Variants in FSTL5 observed in about 807,000 individuals in gnomAD.
The protein encoded by FSTL5 is follistatin-related protein 5.
Under a neutral mutation model 89.1 loss-of-function variants are expected in FSTL5, and 62 were observed. The ratio of observed to expected loss-of-function variants is 0.70; its 90% CI spans 0.57 to 0.86. The LOEUF (loss-of-function observed/expected upper bound fraction) is 0.86. FSTL5 is among the 40% of genes least tolerant of loss of function. FSTL5 has a pLI of 0.00. For synonymous variants in FSTL5, 383 were observed against 346.2 expected (o/e 1.11, Z -1.18); for missense variants, 1,057 against 1,001.6 (o/e 1.06, Z -0.75).
At chr4:161,715,646 TC>T (rs1738948424) in intron 6 of FSTL5, among the ~76,000 whole-genome samples, 1 of 152,126 alleles carries the variant, frequency 6.6e-6, no homozygotes, top group African/African-American at 2.4e-5. Context: ...AACTCCTAAC[TC>T]CTACAACCAA....
chr4:161,481,269 C>A (rs1729495385), intron 12 of FSTL5, 100 bp from the exon 13 acceptor site: 1 of 783,470 alleles, frequency 1.3e-6, no homozygotes. Context: ...TTACTACTTT[C>A]AGCATCAAAT....
chr4:161,749,868 G>A (rs1008389106), intron 6 of FSTL5, among the ~76,000 whole-genome samples: 4 of 151,568 alleles, frequency 2.6e-5, no homozygotes, highest in African/African-American at 7.3e-5. Flanking sequence ...AAAAGGGAGG[G>A]TGTGAGGGGA....
At chr4:161,668,459 A>G (rs925936161) in intron 6 of FSTL5, among the ~76,000 whole-genome samples, 8 of 152,210 alleles carry the variant, frequency 5.3e-5, no homozygotes, top group African/African-American at 1.9e-4. Flanking sequence ...AATTGTATCA[A>G]TCCCCTACAA....
chr4:161,823,800 T>C (rs1395854661), intron 4 of FSTL5, among the ~76,000 whole-genome samples: 1 of 152,218 alleles, frequency 6.6e-6, no homozygotes, highest in East Asian at 1.9e-4. Context: ...ATATGTTTGT[T>C]GGCCATTTGT....
At chr4:161,754,172 T>C (rs1480935574) in intron 6 of FSTL5, among the ~76,000 whole-genome samples, 1 of 152,016 alleles carries the variant, frequency 6.6e-6, no homozygotes, top group African/African-American at 2.4e-5. Context: ...TTACCTCTTT[T>C]AAAGAACAAT....
At chr4:162,070,887 C>G (rs1729592696) in intron 2 of FSTL5, among the ~76,000 whole-genome samples, 1 of 151,434 alleles carries the variant, frequency 6.6e-6, no homozygotes, top group Admixed American at 6.6e-5. Context: ...CTAGACTAAC[C>G]CTACAAAAAT....
At chr4:161,995,423 G>A (rs771966799) in intron 3 of FSTL5, among the ~76,000 whole-genome samples, 5 of 152,066 alleles carry the variant, frequency 3.3e-5, no homozygotes, top group Admixed American at 6.6e-5. Context: ...AAGAGCTTGT[G>A]CTTGGCTTGA....
chr4:162,123,105 T>C (rs888062587), intron 1 of FSTL5, among the ~76,000 whole-genome samples: 18 of 152,160 alleles, frequency 1.2e-4, no homozygotes, highest in Non-Finnish European at 1.0e-4. Context: ...GTCAGACAGA[T>C]TTTAAATTCA....
At chr4:161,580,088 A>G (rs572623496) in intron 8 of FSTL5, among the ~76,000 whole-genome samples, 55 of 152,258 alleles carry the variant, frequency 3.6e-4, no homozygotes, top group Middle Eastern at 3.4e-3. Flanking sequence ...TTATATATTA[A>G]TTTTTGAACA....
chr4:161,864,059 C>T (rs958525938), intron 4 of FSTL5, among the ~76,000 whole-genome samples: 4 of 152,264 alleles, frequency 2.6e-5, no homozygotes, highest in East Asian at 3.9e-4. Context: ...GTTTCTTCTG[C>T]GGACCTGTGG....
chr4:161,496,787 A>AGGATAG (rs1553991650), intron 12 of FSTL5, among the ~76,000 whole-genome samples: 1 of 143,728 alleles, frequency 7.0e-6, no homozygotes, highest in Admixed American at 7.1e-5. Flanking sequence ...GATAGAGAAA[A>AGGATAG]AGATAGAGAT....
In FSTL5 at chr4:162,153,691, A is replaced by ATATGTATAT. The variant is rs1561048901; in HGVS notation, c.-17+9923_-17+9924insATATACATA. ...ATGTATATTATATATGTATATAATA[A>ATATGTATAT]TATATATGTATATTATATATGTATA... On this transcript the variant is annotated intron_variant, in intron 1 of 15. Coordinates refer to ENST00000306100, the MANE Select transcript of FSTL5 (RefSeq NM_020116.5). 1.6e-3 allele frequency among the ~76,000 whole-genome samples: 136 copies of ATATGTATAT among 83,198 alleles called. 1 individual carries two copies. The highest frequency in any genetic ancestry group is 5.0e-3 in the Middle Eastern group (1 of 202). The allele number at this position is 83,198 out of a possible 152,430, so 54.6% of individuals were successfully genotyped here.
At chr4:161,392,629 T>C (rs1730858998) in intron 15 of FSTL5, among the ~76,000 whole-genome samples, 3 of 152,178 alleles carry the variant, frequency 2.0e-5, no homozygotes, top group African/African-American at 7.2e-5. Context: ...CTGACAACTA[T>C]GTCTTAAGGT....
intron 1 of FSTL5, among the ~76,000 whole-genome samples, chr4:162,131,192 C>T (rs1014874832): frequency 6.6e-6 from 1 of 151,918 alleles, no homozygotes; most frequent in Non-Finnish European, 1.5e-5. Flanking sequence ...AAACAGTCAC[C>T]CTTAAATTGA....
chr4:161,941,775 T>C (rs359496), intron 3 of FSTL5, among the ~76,000 whole-genome samples: 19,387 of 151,796 alleles, frequency 0.13, 1,633 homozygotes, highest in African/African-American at 0.25. Context: ...TTTCAAACAC[T>C]ACAAACCTAA....
At chr4:161,795,506 T>C (rs1360839396) in intron 4 of FSTL5, among the ~76,000 whole-genome samples, 1 of 152,006 alleles carries the variant, frequency 6.6e-6, no homozygotes, top group African/African-American at 2.4e-5. Context: ...TTCCTTCCTT[T>C]TGAAAAAATG....
At chr4:162,034,756 A>G (rs1737666844) in intron 2 of FSTL5, among the ~76,000 whole-genome samples, 1 of 152,202 alleles carries the variant, frequency 6.6e-6, no homozygotes, top group African/African-American at 2.4e-5. Flanking sequence ...GCAAAAGAGT[A>G]GGAAAATATA....
At position 162,141,409 on chromosome 4, in the gene FSTL5, C is replaced by G. The variant is rs1473055678; in HGVS notation, c.-17+22206G>C. Reference sequence around the variant, plus strand: ...GGATTACAGGCGTGAGCCACCGCGCCCGGCCTCCCTTCTCTCTTTTGGTCC... The same window carrying G: ...GGATTACAGGCGTGAGCCACCGCGCGCGGCCTCCCTTCTCTCTTTTGGTCC... On this transcript the variant is annotated intron_variant, in intron 1 of 15. Coordinates refer to ENST00000306100, the MANE Select transcript of FSTL5 (RefSeq NM_020116.5). Among the ~76,000 whole-genome samples, 2 of 151,510 alleles carry G rather than the reference C, an allele frequency of 1.3e-5. 1 individual carries two copies. Among genetic ancestry groups the G allele is most frequent in the Admixed American group, 1.3e-4 (2 of 15,214 alleles).
intron 7 of FSTL5, among the ~76,000 whole-genome samples, chr4:161,590,925 G>A (rs942018010): frequency 6.6e-6 from 1 of 152,106 alleles, no homozygotes; most frequent in Non-Finnish European, 1.5e-5. Flanking sequence ...AATACTAACT[G>A]TATGCAAATG....
Sources: gnomAD v4.1 joint callset for allele counts (sites outside exome capture counted in the v4.1 genomes callset) on GRCh38, gnomAD v4.1.1 for gene constraint, MANE v1.5 for transcripts, NCBI Gene and HGNC (gene_info 2026-07-23, HGNC 2026-07-21) for gene names.